The following LMF1 variants were observed in gnomAD, a reference collection of about 807,000 sequenced individuals.
LMF1 encodes transmembrane protein 112.
LMF1 carries 68 observed loss-of-function variants against 60.6 expected under a neutral mutation model. The observed-to-expected ratio is 1.12, with a 90% CI of 0.92 to 1.37. The LOEUF is 1.37. Ranked by LOEUF, LMF1 falls within the 40% of genes most tolerant of loss-of-function variation. LMF1 has a pLI of 0.00. For synonymous variants in LMF1, 418 were observed against 324.7 expected, an observed-to-expected ratio of 1.29 and a Z score of -3.09; for missense variants, 948 against 767.2, an observed-to-expected ratio of 1.24 and a Z score of -2.78.
At chr16:948,870 CAG>C (rs34378137) in intron 2 of LMF1, among the ~76,000 whole-genome samples, 824 of 77,342 alleles carry the variant, frequency 0.011, 8 homozygotes, top group African/African-American at 0.018. Context: ...ACGACAGAGT[CAG>C]AGCCAATGAC....
At position 910,826 on chromosome 16, in the gene LMF1, A is replaced by G. The variant is rs970931290; in HGVS notation, c.663+105T>C. 3.4e-5 allele frequency: 49 copies of G among 1,438,524 alleles called. No individual in the cohort carries two copies. The African/African-American group carries it at 5.5e-4, about 16-fold the overall frequency. 89.1% of individuals were successfully genotyped at this position (1,438,524 alleles called of 1,614,324 possible). A position where few individuals can be genotyped will look rare whatever the true frequency, so the allele number is the denominator to read the frequency against. On this transcript the variant is annotated intron_variant, in intron 4 of 10. Coordinates refer to ENST00000262301, the MANE Select transcript of LMF1 (RefSeq NM_022773.4). The stretch of plus-strand genomic sequence containing the variant: ...CCAGGCCAGGCCGACAGGAGGACAG[A>G]GGGCGGCGGGGGAGGAAGGAAACAG...
At chr16:858,862 GGGTGTGAGTGGTGT>G (rs2151682018) in intron 10 of LMF1, among the ~76,000 whole-genome samples, 1 of 105,924 alleles carries the variant, frequency 9.4e-6, no homozygotes, top group South Asian at 3.9e-4. Flanking sequence ...GTCACGGGAC[GGGTGTGAGTGGTGT>G]CTCGGGACGG....
At chr16:946,270 C>G (rs935053912) in intron 2 of LMF1, among the ~76,000 whole-genome samples, 1 of 152,262 alleles carries the variant, frequency 6.6e-6, no homozygotes, top group African/African-American at 2.4e-5. Flanking sequence ...GGGGAGGGGA[C>G]AGCTGGCTGG....
chr16:864,328 G>C (rs760275358), intron 10 of LMF1, among the ~76,000 whole-genome samples: 33 of 152,310 alleles, frequency 2.2e-4, no homozygotes, highest in Non-Finnish European at 1.0e-4. Flanking sequence ...ACTTATGAGA[G>C]TTCCACTGAC....
intron 4 of LMF1, among the ~76,000 whole-genome samples, chr16:906,400 T>A (rs571784588): frequency 6.6e-6 from 1 of 152,074 alleles, no homozygotes; most frequent in Non-Finnish European, 1.5e-5. Flanking sequence ...CACCATCTCA[T>A]CAGCCGCCAG....
At chr16:973,613 G>A (rs1014576071), upstream of LMF1, among the ~76,000 whole-genome samples, 15 of 152,208 alleles carry the variant, frequency 9.9e-5, no homozygotes, top group African/African-American at 3.4e-4. Flanking sequence ...GGAACTAGGC[G>A]ATGGCTGCCC....
In LMF1 at chr16:895,170, C is replaced by T. The variant is rs147072556; in HGVS notation, c.664-2098G>A. ...GCGGGGGGTGCGGCCTGAGGCCTGCCGGGGCCATCAGGACCTCCAGAGCAG... is the reference window on the plus strand; with the variant it reads ...GCGGGGGGTGCGGCCTGAGGCCTGCTGGGGCCATCAGGACCTCCAGAGCAG... On this transcript the variant is annotated intron_variant, in intron 4 of 10. Transcript: ENST00000262301. Among the ~76,000 whole-genome samples the T allele has an allele frequency of 1.0e-2, 1,516 of 152,180 alleles. 13 individuals are homozygous for T. The highest frequency in any genetic ancestry group is 0.029 in the African/African-American group (1,220 of 41,532).
chr16:973,019 G>C (rs1051275316), upstream of LMF1, among the ~76,000 whole-genome samples: 2 of 152,192 alleles, frequency 1.3e-5, no homozygotes, highest in Non-Finnish European at 2.9e-5. Context: ...ATTTCAGCCT[G>C]AATTTAATCA....
At chr16:971,122 G>A (rs1360464426), upstream of LMF1, 2 of 848,464 alleles carry the variant, frequency 2.4e-6, no homozygotes, top group Admixed American at 8.6e-5. Context: ...CACAGTCCCG[G>A]AGGCACCGCC....
intron 4 of LMF1, among the ~76,000 whole-genome samples, chr16:908,641 C>T (rs530652382): frequency 2.0e-5 from 3 of 152,346 alleles, no homozygotes; most frequent in South Asian, 4.1e-4. Flanking sequence ...CACCTGGCCT[C>T]GTGGACAGAG....
intron 5 of LMF1, among the ~76,000 whole-genome samples, chr16:888,152 T>C (rs1360956654): frequency 6.6e-6 from 1 of 151,634 alleles, no homozygotes; most frequent in African/African-American, 2.4e-5. Context: ...GGCCCAAGCC[T>C]TGGGGTGCAG....
intron 1 of LMF1, among the ~76,000 whole-genome samples, chr16:955,684 T>C (rs932540804): frequency 3.9e-5 from 6 of 152,216 alleles, no homozygotes; most frequent in Non-Finnish European, 8.8e-5. Context: ...GCAGATGCAG[T>C]GTGTATACAC....
chr16:947,439 T>C, intron 2 of LMF1: 1 of 455,396 alleles, frequency 2.2e-6, no homozygotes, highest in South Asian at 1.6e-5. Flanking sequence ...TCATCGTCAG[T>C]GAGAAATGAA....
intron 1 of LMF1, 59 bp from the exon 2 acceptor site, chr16:954,725 T>A: frequency 6.7e-7 from 1 of 1,481,570 alleles, no homozygotes; most frequent in Non-Finnish European, 9.1e-7. Flanking sequence ...GTGGACACCA[T>A]GGGCGCAGCT....
chr16:854,226 C>T lies in LMF1; in HGVS notation c.*306G>A, dbSNP rs1357082606. 1.7e-6 allele frequency: 1 copy of T among 597,148 alleles called. No individual in the cohort carries two copies. Among genetic ancestry groups the T allele is most frequent in the Non-Finnish European group, 3.1e-6 (1 of 318,640 alleles). The allele number at this position is 597,148 out of a possible 1,614,324, so 37.0% of individuals were successfully genotyped here. On this transcript the variant is annotated 3_prime_UTR_variant, in exon 11 of 11. Transcript: ENST00000262301. The stretch of plus-strand genomic sequence containing the variant: ...GGTGTCAGGATGGCCATTGTCTCAA[C>T]TCCTGTGGGCGGCACAGCCCCAGGC...
chr16:893,461 G>T, intron 4 of LMF1: 1 of 452,884 alleles, frequency 2.2e-6, no homozygotes. Flanking sequence ...GTGCCTCCAG[G>T]ATGAGCCCAA....
chr16:854,267 A>C lies in LMF1; in HGVS notation c.*265T>G, dbSNP rs1456375054. ...AGCCCCAGGCTGGGCCTCTGGGAGG[A>C]GGGTGGGATGGATGGGAGATCAGAG... On this transcript the variant is annotated 3_prime_UTR_variant, in exon 11 of 11. Transcript: ENST00000262301. The C allele has an allele frequency of 1.5e-6, 1 of 659,438 alleles. No individual in the cohort carries two copies. The highest frequency in any genetic ancestry group is 3.0e-5 in the East Asian group (1 of 33,752). 40.8% of individuals were successfully genotyped at this position (659,438 alleles called of 1,614,324 possible). A position where few individuals can be genotyped will look rare whatever the true frequency, so the allele number is the denominator to read the frequency against.
Position 962,348 on chromosome 16 carries a change from T to C in LMF1, c.194-7682A>G, listed in dbSNP as rs1427675313. Reference sequence around the variant, plus strand: ...GACCACAAACAAGTAAGTAACAAGATCTTCCTCACAGAGGAATTCCACATA... The same window carrying C: ...GACCACAAACAAGTAAGTAACAAGACCTTCCTCACAGAGGAATTCCACATA... On this transcript the variant is annotated intron_variant, in intron 1 of 10. Coordinates refer to ENST00000262301, the MANE Select transcript of LMF1 (RefSeq NM_022773.4). This position sits in a 1 kb window ranked among gnomAD's most constrained non-coding sequence, Gnocchi z 4.5. Among the ~76,000 whole-genome samples the C allele has an allele frequency of 6.6e-6, 1 of 152,220 alleles. No homozygotes were observed. The highest frequency in any genetic ancestry group is 1.5e-5 in the Non-Finnish European group (1 of 68,046).
intron 10 of LMF1, among the ~76,000 whole-genome samples, chr16:868,029 C>T (rs1192896727): frequency 1.3e-5 from 2 of 152,140 alleles, no homozygotes; most frequent in African/African-American, 4.8e-5. Context: ...CCGTCAGAAT[C>T]GGCGGCTGAT....
Sources: allele counts gnomAD v4.1 joint callset (sites outside exome capture counted in the v4.1 genomes callset), GRCh38; gene constraint gnomAD v4.1.1; non-coding constraint Gnocchi (gnomAD v3.1); transcripts MANE v1.5; gene names NCBI Gene and HGNC (gene_info 2026-07-23, HGNC 2026-07-21).